DNAJC10: variants seen among roughly 807,000 people sequenced by gnomAD.
DNAJC10 encodes the protein DnaJ heat shock protein family (Hsp40) member C10.
In DNAJC10, 101 loss-of-function variants were observed where a neutral mutation model predicts 115.0. The ratio of observed to expected loss-of-function variants is 0.88; its 90% CI spans 0.75 to 1.04. DNAJC10 has a LOEUF of 1.04. Ranked by LOEUF, DNAJC10 falls within the 50% of genes least tolerant of loss-of-function variation. The pLI is 0.00. For synonymous variants in DNAJC10, 307 were observed against 301.5 expected (o/e 1.02, Z -0.19); for missense variants, 981 against 928.8 (o/e 1.06, Z -0.73).
At chr2:182,749,995 C>G (rs1342549156) in intron 14 of DNAJC10, among the ~76,000 whole-genome samples, 4 of 152,154 alleles carry the variant, frequency 2.6e-5, no homozygotes, top group African/African-American at 9.6e-5. Flanking sequence ...GCAGAGGCCT[C>G]AGTTCCTCAT....
In DNAJC10 at chr2:182,786,166, A is replaced by T. The variant is rs1694942327; in HGVS notation, c.*9034A>T. 6.6e-6 allele frequency: 1 copy of T among 152,210 alleles called. No individual in the cohort carries two copies. 9.4% of individuals were successfully genotyped at this position (152,210 alleles called of 1,614,324 possible). A position where few individuals can be genotyped will look rare whatever the true frequency, so the allele number is the denominator to read the frequency against. ...AAAATATTGTTTTTACAACTAAGAT[A>T]ACATTGAAATTTATACAGAACCCCA... is the stretch of plus-strand genomic sequence containing the variant. On this transcript the variant is annotated 3_prime_UTR_variant, in exon 24 of 24. Transcript: ENST00000264065.
At position 182,718,203 on chromosome 2, in the gene DNAJC10, A is replaced by T. The variant is rs973816909; in HGVS notation, c.117A>T (p.Leu39Phe). 2.5e-5 allele frequency: 40 copies of T among 1,613,508 alleles called. No homozygotes were observed. The highest frequency in any genetic ancestry group is 3.3e-5 in the Non-Finnish European group (39 of 1,179,844). ...GCACAGATCAGGATTTTTACAGTTT[A>T]CTTGGAGTGTCCAAAACTGCAAGCA... ...LVGTDQDFYS[L>F]LGVSKTASSR... Residue 39 changes from leucine to phenylalanine, a missense_variant, in exon 3 of 24, where the codon TTA becomes TTT. Transcript: ENST00000264065.
chr2:182,717,895 T>C (rs1179252177), intron 2 of DNAJC10, 46 bp from the exon 3 acceptor site: 3 of 450,394 alleles, frequency 6.7e-6, no homozygotes, highest in African/African-American at 2.0e-5. Flanking sequence ...TGTGCTATTA[T>C]TGTTTAGTTC....
chr2:182,732,966 A>C (rs1307218252), intron 10 of DNAJC10, among the ~76,000 whole-genome samples: 1 of 151,988 alleles, frequency 6.6e-6, no homozygotes, highest in East Asian at 1.9e-4. Context: ...TGGCTTGACA[A>C]AGCCACACAA....
intron 10 of DNAJC10, among the ~76,000 whole-genome samples, chr2:182,734,420 T>A (rs1244307170): frequency 6.6e-6 from 1 of 151,826 alleles, no homozygotes; most frequent in East Asian, 1.9e-4. Context: ...TTGGCTAGCT[T>A]GATTCTACTG....
At chr2:182,722,176 T>C (rs1693167736) in intron 5 of DNAJC10, 101 bp downstream of exon 5, 1 of 815,858 alleles carries the variant, frequency 1.2e-6, no homozygotes, top group Non-Finnish European at 2.0e-6. Flanking sequence ...TCTTTTGGAG[T>C]TTCGAACAGT....
chr2:182,744,225 G>C (rs546616415), intron 14 of DNAJC10, among the ~76,000 whole-genome samples: 14 of 152,250 alleles, frequency 9.2e-5, no homozygotes, highest in African/African-American at 3.1e-4. Context: ...CAGAGTCCTT[G>C]TCCTGAAAGA....
chr2:182,728,156 T>C (rs576525958), intron 5 of DNAJC10, among the ~76,000 whole-genome samples: 5 of 152,350 alleles, frequency 3.3e-5, no homozygotes, highest in South Asian at 2.1e-4. Flanking sequence ...CTGCATGTAA[T>C]AGAAGAGCTT....
intron 22 of DNAJC10, among the ~76,000 whole-genome samples, chr2:182,768,138 A>G (rs146857177): frequency 6.6e-6 from 1 of 152,160 alleles, no homozygotes; most frequent in African/African-American, 2.4e-5. Context: ...ACACATCTAG[A>G]TTTTTCAGTG....
chr2:182,741,070 A>T (rs985074840), intron 12 of DNAJC10, among the ~76,000 whole-genome samples, 173 bp from the exon 13 acceptor site: 1 of 152,172 alleles, frequency 6.6e-6, no homozygotes, highest in African/African-American at 2.4e-5. Flanking sequence ...TTGATTTTAC[A>T]TAGCATTATT....
At chr2:182,769,877 G>A (rs947721613) in intron 22 of DNAJC10, among the ~76,000 whole-genome samples, 11 of 152,094 alleles carry the variant, frequency 7.2e-5, no homozygotes, top group South Asian at 2.1e-4. Context: ...TGGTGTTTTC[G>A]TCATGAAGTC....
At chr2:182,752,592 A>T in intron 16 of DNAJC10, 1 of 941,406 alleles carries the variant, frequency 1.1e-6, no homozygotes, top group Non-Finnish European at 1.3e-6. Context: ...AAGCCTTTTG[A>T]AATCTTTGTT....
intron 5 of DNAJC10, among the ~76,000 whole-genome samples, chr2:182,725,005 C>T (rs921984237): frequency 2.0e-5 from 3 of 152,064 alleles, no homozygotes; most frequent in South Asian, 2.1e-4. Flanking sequence ...CTACATCAAG[C>T]GAGTCTATCA....
intron 18 of DNAJC10, among the ~76,000 whole-genome samples, chr2:182,757,378 T>A (rs1694182488): frequency 6.6e-6 from 1 of 152,228 alleles, no homozygotes; most frequent in African/African-American, 2.4e-5. Context: ...AAGAATACTT[T>A]GAAATATTGC....
At chr2:182,763,138 T>G (rs1206692974) in intron 22 of DNAJC10, among the ~76,000 whole-genome samples, 1 of 152,084 alleles carries the variant, frequency 6.6e-6, no homozygotes, top group Non-Finnish European at 1.5e-5. Flanking sequence ...ATGGTGACTG[T>G]TGAGGTCACT....
At chr2:182,756,564 T>A in intron 18 of DNAJC10, 95 bp downstream of exon 18, 1 of 1,197,092 alleles carries the variant, frequency 8.4e-7, no homozygotes, top group Admixed American at 2.3e-5. Flanking sequence ...AACCCACAAC[T>A]AAATTATTAC....
At chr2:182,742,681 T>C (rs1008342585) in intron 13 of DNAJC10, among the ~76,000 whole-genome samples, 2 of 152,224 alleles carry the variant, frequency 1.3e-5, no homozygotes, top group Non-Finnish European at 2.9e-5. Context: ...ACAAGTGATA[T>C]GTTAACAATA....
chr2:182,780,725 T>C lies in DNAJC10; in HGVS notation c.*3593T>C, dbSNP rs1410871500. On this transcript the variant is annotated 3_prime_UTR_variant, in exon 24 of 24. Coordinates refer to ENST00000264065, the MANE Select transcript of DNAJC10 (RefSeq NM_018981.4). The stretch of plus-strand genomic sequence containing the variant: ...TACACTTAGATTCTTGTACTGTCAC[T>C]GAGTCCCCTTGTAAACAGCTAGGTA... 1 of 152,206 alleles carries C rather than the reference T, an allele frequency of 6.6e-6. No individual in the cohort carries two copies. The highest frequency in any genetic ancestry group is 2.4e-5 in the African/African-American group (1 of 41,458). The allele number at this position is 152,206 out of a possible 1,614,324, so 9.4% of individuals were successfully genotyped here. A position where few individuals can be genotyped will look rare whatever the true frequency, so the allele number is the denominator to read the frequency against.
chr2:182,752,423 G>A (rs1574943477), intron 16 of DNAJC10: 3 of 344,454 alleles, frequency 8.7e-6, no homozygotes, highest in Non-Finnish European at 1.4e-5. Flanking sequence ...ATCAAACTCA[G>A]GCAACTATTT....
Sources: allele counts gnomAD v4.1 joint callset (sites outside exome capture counted in the v4.1 genomes callset), GRCh38; gene constraint gnomAD v4.1.1; transcripts MANE v1.5; gene names NCBI Gene and HGNC (gene_info 2026-07-23, HGNC 2026-07-21).